CCDC148: variants seen among roughly 807,000 people sequenced by gnomAD.
CCDC148 encodes coiled-coil domain containing 148, also known as coiled-coil domain-containing protein 148.
A neutral mutation model predicts 85.7 loss-of-function variants in CCDC148; 89 were observed. The observed-to-expected ratio is 1.04, with a 90% CI of 0.87 to 1.24. CCDC148 has a LOEUF of 1.24. Among genes scored for constraint, CCDC148 ranks in the 50% most tolerant of loss-of-function variants. The probability of loss-of-function intolerance (pLI) is 0.00; values close to 1 mark genes in which losing one functional copy is unlikely to be tolerated. For missense variants in CCDC148, 692 were observed against 671.7 expected, an observed-to-expected ratio of 1.03 and a Z score of -0.33; for synonymous variants, 230 against 213.9, an observed-to-expected ratio of 1.08 and a Z score of -0.66.
rs112295019 is a variant in CCDC148, at chr2:158,261,059, C to A, written c.1111-10147G>T. ...CAAAAAAGAGCCCAAATAGCCAAGA[C>A]AATCACAAGCAAAAAGAACAAACAA... On this transcript the variant is annotated intron_variant, in intron 9 of 13. Transcript: ENST00000283233. Among the ~76,000 whole-genome samples, 1,067 of 152,030 alleles carry A rather than the reference C, an allele frequency of 7.0e-3. 13 individuals carry two copies. The highest frequency in any genetic ancestry group is 0.027 in the Middle Eastern group (8 of 294).
At chr2:158,448,304 C>CTT (rs369550965) in intron 1 of CCDC148, among the ~76,000 whole-genome samples, 1 of 151,432 alleles carries the variant, frequency 6.6e-6, no homozygotes. Context: ...TAACTCTTAC[C>CTT]TTTTTTTTAC....
intron 2 of CCDC148, among the ~76,000 whole-genome samples, chr2:158,352,661 T>C (rs534789713): frequency 6.6e-6 from 1 of 152,198 alleles, no homozygotes; most frequent in Non-Finnish European, 1.5e-5. Context: ...TTCAGGATAT[T>C]ATCCAGGAGA....
intron 1 of CCDC148, among the ~76,000 whole-genome samples, chr2:158,393,632 G>A (rs970401434): frequency 2.0e-5 from 3 of 152,078 alleles, no homozygotes; most frequent in African/African-American, 4.8e-5. Context: ...ATAAAAAGAG[G>A]ATTGACAGAA....
intron 11 of CCDC148, among the ~76,000 whole-genome samples, chr2:158,180,990 T>C (rs1684873569): frequency 6.6e-6 from 1 of 152,130 alleles, no homozygotes; most frequent in African/African-American, 2.4e-5. Flanking sequence ...GAAAGCTCTA[T>C]TTCTCATTCT....
intron 11 of CCDC148, among the ~76,000 whole-genome samples, chr2:158,201,160 A>T (rs13013993): frequency 0.34 from 52,347 of 151,898 alleles, 9,805 homozygotes; most frequent in East Asian, 0.63. Context: ...TAAGTTCTTA[A>T]TTATATTTTC....
rs537834250 is a variant in CCDC148 at position 158,274,146 on chromosome 2, C to A, written c.1111-23234G>T. ...TTAGCTTCTGAATACAAATGAAGTT[C>A]CCCAAGTTTAGGCTCTGGCTATTCA... On this transcript the variant is annotated intron_variant, in intron 9 of 13. Coordinates refer to ENST00000283233, the MANE Select transcript of CCDC148 (RefSeq NM_138803.4). 1.2e-3 allele frequency among the ~76,000 whole-genome samples: 184 copies of A among 152,166 alleles called. 1 individual carries two copies. The highest frequency in any genetic ancestry group is 2.2e-3 in the Non-Finnish European group (151 of 68,032).
At chr2:158,251,292 TA>T (rs1247217517) in intron 9 of CCDC148, among the ~76,000 whole-genome samples, 1 of 151,788 alleles carries the variant, frequency 6.6e-6, no homozygotes, top group Non-Finnish European at 1.5e-5. Flanking sequence ...CTAAAATGCT[TA>T]AAAGTTTAAG....
chr2:158,247,055 A>G (rs1688597451), intron 10 of CCDC148, among the ~76,000 whole-genome samples: 1 of 152,216 alleles, frequency 6.6e-6, no homozygotes, highest in Non-Finnish European at 1.5e-5. Flanking sequence ...GGCAATATAG[A>G]TACTGCAGGC....
intron 9 of CCDC148, among the ~76,000 whole-genome samples, chr2:158,289,959 A>G (rs1690809849): frequency 6.6e-6 from 1 of 152,180 alleles, no homozygotes; most frequent in Non-Finnish European, 1.5e-5. Context: ...ACTAAATTAT[A>G]TTACTCAGGG....
chr2:158,298,503 C>G (rs1444536733), intron 9 of CCDC148, among the ~76,000 whole-genome samples: 1 of 151,950 alleles, frequency 6.6e-6, no homozygotes, highest in Non-Finnish European at 1.5e-5. Context: ...AACTTTTTAC[C>G]ATGTTCCACA....
intron 10 of CCDC148, among the ~76,000 whole-genome samples, chr2:158,224,827 C>T (rs28814319): frequency 0.13 from 19,120 of 152,022 alleles, 1,493 homozygotes; most frequent in African/African-American, 0.23. Context: ...AAGGAACAAC[C>T]GGTACCAGCC....
intron 7 of CCDC148, among the ~76,000 whole-genome samples, chr2:158,314,275 A>G (rs1174988479): frequency 1.3e-5 from 2 of 152,258 alleles, no homozygotes; most frequent in East Asian, 1.9e-4. Flanking sequence ...CAAGGTTCCT[A>G]TGTCTAAACT....
intron 10 of CCDC148, among the ~76,000 whole-genome samples, chr2:158,226,236 C>T (rs1015732655): frequency 4.6e-5 from 7 of 151,968 alleles, no homozygotes; most frequent in South Asian, 2.1e-4. Flanking sequence ...ACACATACAC[C>T]CTCCCAAGAC....
intron 10 of CCDC148, among the ~76,000 whole-genome samples, chr2:158,231,692 G>T (rs2030486): frequency 0.42 from 64,119 of 151,866 alleles, 13,895 homozygotes; most frequent in South Asian, 0.6. Flanking sequence ...GTTTATCTTT[G>T]TATCCTTAGT....
intron 1 of CCDC148, among the ~76,000 whole-genome samples, chr2:158,439,356 C>G (rs533105122): frequency 1.1e-3 from 162 of 152,214 alleles, no homozygotes; most frequent in Non-Finnish European, 1.8e-3. Flanking sequence ...AACCATCATT[C>G]TCAGGAAACT....
chr2:158,351,376 G>A (rs1210702349), intron 2 of CCDC148, among the ~76,000 whole-genome samples: 1 of 152,192 alleles, frequency 6.6e-6, no homozygotes, highest in Non-Finnish European at 1.5e-5. Flanking sequence ...CAGTGGGTGG[G>A]CGCAACGTGC....
chr2:158,246,651 C>T (rs1425318768), intron 10 of CCDC148, among the ~76,000 whole-genome samples: 5 of 152,070 alleles, frequency 3.3e-5, no homozygotes, highest in East Asian at 1.9e-4. Flanking sequence ...CCTGTGCTCA[C>T]GGGAGCTGGA....
intron 1 of CCDC148, among the ~76,000 whole-genome samples, chr2:158,366,385 G>C (rs1332650929): frequency 6.6e-6 from 1 of 152,138 alleles, no homozygotes; most frequent in Non-Finnish European, 1.5e-5. Flanking sequence ...GTGTTCCTGG[G>C]AGGAAAGAAA....
intron 7 of CCDC148, among the ~76,000 whole-genome samples, chr2:158,335,958 A>G (rs530026812): frequency 3.3e-5 from 5 of 152,274 alleles, no homozygotes; most frequent in East Asian, 1.9e-4. Context: ...TGAATAAACA[A>G]TGGGACTAAC....
Sources: gnomAD v4.1 joint callset for allele counts (sites outside exome capture counted in the v4.1 genomes callset) on GRCh38, gnomAD v4.1.1 for gene constraint, MANE v1.5 for transcripts, NCBI Gene and HGNC (gene_info 2026-07-23, HGNC 2026-07-21) for gene names.